TMEM135: variants seen among roughly 807,000 people sequenced by gnomAD.
TMEM135 encodes transmembrane protein 135, also known as peroxisomal membrane protein 52.
TMEM135 carries 30 observed loss-of-function variants against 60.3 expected under a neutral mutation model. The observed-to-expected ratio is 0.50, with a 90% confidence interval of 0.37 to 0.68. The LOEUF (loss-of-function observed/expected upper bound fraction) is 0.68, where lower values mean the gene tolerates loss of function less well. Ranked by LOEUF, TMEM135 falls within the 30% of genes least tolerant of loss-of-function variation. TMEM135 has a pLI of 0.00. For missense variants in TMEM135, 468 were observed against 548.8 expected, an observed-to-expected ratio of 0.85 and a Z score of 1.47; for synonymous variants, 190 against 186.7, an observed-to-expected ratio of 1.02 and a Z score of -0.14.
At chr11:87,111,671 A>AAAG (rs1857755801) in intron 4 of TMEM135, among the ~76,000 whole-genome samples, 2 of 145,688 alleles carry the variant, frequency 1.4e-5, no homozygotes, top group African/African-American at 2.5e-5. Context: ...AAAAAAAAAA[A>AAAG]GAAAAAGAAA....
intron 6 of TMEM135, among the ~76,000 whole-genome samples, chr11:87,270,962 CT>C (rs35794273): frequency 0.36 from 53,561 of 149,438 alleles, 10,008 homozygotes; most frequent in Non-Finnish European, 0.43. Flanking sequence ...CTCTCACAAG[CT>C]TTTTTTTTTA....
At chr11:87,138,479 A>T (rs908897188) in intron 4 of TMEM135, among the ~76,000 whole-genome samples, 1 of 150,696 alleles carries the variant, frequency 6.6e-6, no homozygotes, top group African/African-American at 2.4e-5. Context: ...ATATTTGTTC[A>T]TACTTTGCTA....
chr11:87,229,882 G>A (rs1042499155), intron 5 of TMEM135, among the ~76,000 whole-genome samples: 19 of 151,890 alleles, frequency 1.3e-4, no homozygotes, highest in African/African-American at 4.4e-4. Context: ...TTGAATTTTT[G>A]TTTTTATCAT....
At chr11:87,099,073 G>A (rs1195330709) in intron 4 of TMEM135, among the ~76,000 whole-genome samples, 1 of 152,116 alleles carries the variant, frequency 6.6e-6, no homozygotes, top group Non-Finnish European at 1.5e-5. Flanking sequence ...ATGCCTGCAC[G>A]CTAGCATACA....
intron 5 of TMEM135, among the ~76,000 whole-genome samples, chr11:87,179,903 G>A (rs1939470770): frequency 6.6e-6 from 1 of 152,074 alleles, no homozygotes. Context: ...CCAACCTGGA[G>A]ATATGACTGA....
intron 1 of TMEM135, among the ~76,000 whole-genome samples, chr11:87,039,421 T>G (rs1171940579): frequency 6.6e-6 from 1 of 152,156 alleles, no homozygotes; most frequent in Non-Finnish European, 1.5e-5. Flanking sequence ...ATGCTGATGG[T>G]GGGGGCTGCA....
intron 6 of TMEM135, among the ~76,000 whole-genome samples, chr11:87,261,647 T>G (rs1236028860): frequency 6.6e-6 from 1 of 152,176 alleles, no homozygotes; most frequent in Non-Finnish European, 1.5e-5. Context: ...TCTTTTTTTT[T>G]GAGACTCGCT....
intron 4 of TMEM135, among the ~76,000 whole-genome samples, chr11:87,147,604 C>T (rs1208241020): frequency 6.6e-6 from 1 of 152,186 alleles, no homozygotes; most frequent in Non-Finnish European, 1.5e-5. Flanking sequence ...GCTGTTATCA[C>T]CTCAGCATAC....
rs572451894 is a variant in TMEM135 at position 87,046,637 on chromosome 11, G to T, written c.141+8451G>T. Among the ~76,000 whole-genome samples, 4 of 152,316 alleles carry T rather than the reference G, an allele frequency of 2.6e-5. No individual in the cohort carries two copies. In the East Asian group the frequency reaches 7.7e-4, roughly 29 times the overall value. ...ACATTGAGAAATGCAGGGGTAGAGA[G>T]AAACTGAGGCTAGAGATTTAGGTTT... On this transcript the variant is annotated intron_variant, in intron 1 of 14. Transcript: ENST00000305494.
chr11:87,160,413 G>T (rs1042501143), intron 5 of TMEM135, among the ~76,000 whole-genome samples: 2 of 152,170 alleles, frequency 1.3e-5, no homozygotes, highest in African/African-American at 4.8e-5. Context: ...CTCTCCAAGG[G>T]AGAAATTACA....
intron 4 of TMEM135, among the ~76,000 whole-genome samples, chr11:87,154,987 T>TTTTA (rs201665936): frequency 0.019 from 2,329 of 122,322 alleles, 38 homozygotes; most frequent in South Asian, 0.033. Context: ...TGAAATCCAG[T>TTTTA]TTTATTTATT....
Position 87,324,416 on chromosome 11 carries a change from G to T in TMEM135, c.*3083G>T, listed in dbSNP as rs112021061. 1 of 453,792 alleles carries T rather than the reference G, an allele frequency of 2.2e-6. No individual in the cohort carries two copies. The highest frequency in any genetic ancestry group is 1.6e-5 in the South Asian group (1 of 64,444). 28.1% of individuals were successfully genotyped at this position (453,792 alleles called of 1,614,324 possible). ...AGCCCAGAGATTCCTTAAATTCTCC[G>T]TGTGATTTATTTTTTTATTTTTTGA... On this transcript the variant is annotated 3_prime_UTR_variant, in exon 15 of 15. Coordinates refer to ENST00000305494, the MANE Select transcript of TMEM135 (RefSeq NM_022918.4).
intron 3 of TMEM135, among the ~76,000 whole-genome samples, chr11:87,087,113 G>C (rs1857111986): frequency 6.6e-6 from 1 of 152,120 alleles, no homozygotes; most frequent in Non-Finnish European, 1.5e-5. Context: ...ATGGCCTGAA[G>C]GTGAGAAGAG....
In TMEM135 at chr11:87,295,641, T is replaced by C. The variant is rs1942334711; in HGVS notation, c.510-141T>C. The C allele has an allele frequency of 6.3e-6, 4 of 633,526 alleles. No homozygotes were observed. The South Asian group carries it at 8.3e-5, about 13-fold the overall frequency. 39.2% of individuals were successfully genotyped at this position (633,526 alleles called of 1,614,324 possible). ...GTAAGGTGACTTACTTCATTGCTTG[T>C]TGCTCTTTTGACCATTCATAATGTT... On this transcript the variant is annotated intron_variant, in intron 6 of 14. Coordinates refer to ENST00000305494, the MANE Select transcript of TMEM135 (RefSeq NM_022918.4).
chr11:87,119,482 C>T (rs1437380604), intron 4 of TMEM135, among the ~76,000 whole-genome samples: 1 of 152,212 alleles, frequency 6.6e-6, no homozygotes, highest in Non-Finnish European at 1.5e-5. Flanking sequence ...GAGGACAGAT[C>T]ACTTGAGGCC....
chr11:87,301,256 ATT>A (rs549816973), intron 7 of TMEM135, among the ~76,000 whole-genome samples: 1 of 145,606 alleles, frequency 6.9e-6, no homozygotes, highest in Non-Finnish European at 1.5e-5. Flanking sequence ...CTCAAGTTAC[ATT>A]TTTTTTTTTT....
intron 6 of TMEM135, among the ~76,000 whole-genome samples, chr11:87,245,420 C>G (rs528175959): frequency 9.7e-6 from 1 of 103,550 alleles, no homozygotes; most frequent in South Asian, 3.6e-4. Flanking sequence ...AACTTTCTGA[C>G]TCGCTGATCT....
At position 87,324,801 on chromosome 11, in the gene TMEM135, A is replaced by G. The variant is rs1269072189; in HGVS notation, c.*3468A>G. ...AGTTGTCCTTTGTTTCCCAAAGGCA[A>G]AAGTATACATTTCTTACTAAGATAT... On this transcript the variant is annotated 3_prime_UTR_variant, in exon 15 of 15. Coordinates refer to ENST00000305494, the MANE Select transcript of TMEM135 (RefSeq NM_022918.4). 7 of 453,868 alleles carry G rather than the reference A, an allele frequency of 1.5e-5. No individual in the cohort carries two copies. The highest frequency in any genetic ancestry group is 2.6e-5 in the Non-Finnish European group (6 of 226,764). 28.1% of individuals were successfully genotyped at this position (453,868 alleles called of 1,614,324 possible).
chr11:87,264,615 T>C (rs1041364299), intron 6 of TMEM135, among the ~76,000 whole-genome samples: 5 of 151,924 alleles, frequency 3.3e-5, no homozygotes, highest in African/African-American at 1.2e-4. Context: ...TGAAGACTTA[T>C]TTGAATGCAG....
Sources: gnomAD v4.1 joint callset for allele counts (sites outside exome capture counted in the v4.1 genomes callset) on GRCh38, gnomAD v4.1.1 for gene constraint, MANE v1.5 for transcripts, NCBI Gene and HGNC (gene_info 2026-07-23, HGNC 2026-07-21) for gene names.